The following SASH1 variants were observed in gnomAD, a reference collection of about 807,000 sequenced individuals.
The protein encoded by SASH1 is SAM and SH3 domain containing 1.
A neutral mutation model predicts 125.2 loss-of-function variants in SASH1; 44 were observed. The ratio of observed to expected loss-of-function variants is 0.35; its 90% confidence interval spans 0.28 to 0.45. The LOEUF is 0.45. Ranked by LOEUF, SASH1 falls within the 20% of genes least tolerant of loss-of-function variation. The probability of loss-of-function intolerance (pLI) is 1.00; values close to 1 mark genes in which losing one functional copy is unlikely to be tolerated. For synonymous variants in SASH1, 639 were observed against 649.1 expected (o/e 0.98, Z 0.24); for missense variants, 1,426 against 1,614.5 (o/e 0.88, Z 2.00).
Position 148,387,576 on chromosome 6 carries a change from CTTT to C in SASH1, c.157-2557_157-2555del, listed in dbSNP as rs1783449687. 1.3e-3 allele frequency among the ~76,000 whole-genome samples: 7 copies of C among 5,418 alleles called. No homozygotes were observed. In the South Asian group the frequency reaches 0.064, roughly 49 times the overall value. The allele number at this position is 5,418 out of a possible 152,430, so 3.6% of individuals were successfully genotyped here. A position where few individuals can be genotyped will look rare whatever the true frequency, so the allele number is the denominator to read the frequency against. ...TCCTTTCTTTCTTTTCTCTTTCTTT[CTTT>C]CTTTCTTTCTTTCTTTCTTTCTTTC... On this transcript the variant is annotated intron_variant, in intron 1 of 19. Transcript: ENST00000367467.
intron 1 of SASH1, among the ~76,000 whole-genome samples, chr6:148,306,114 C>T (rs564991131): frequency 6.6e-6 from 1 of 152,246 alleles, no homozygotes; most frequent in East Asian, 1.9e-4. Context: ...AAGGAGTTAC[C>T]TCTACTGATC....
chr6:148,450,230 A>T (rs899895748), intron 4 of SASH1, among the ~76,000 whole-genome samples: 12 of 152,102 alleles, frequency 7.9e-5, no homozygotes, highest in African/African-American at 2.9e-4. Flanking sequence ...GCCACATCTC[A>T]TTGAGGGGAT....
chr6:148,313,318 C>A lies in SASH1; in HGVS notation n.74+40941C>A, dbSNP rs145995384. On this transcript the variant is annotated intron_variant and non_coding_transcript_variant, in intron 1 of 3. Coordinates refer to the SASH1 transcript ENST00000367469. ...CATTAAGTGCAAATCCTCTTGGCTGCACTTTTCCTTCATGTTTATTTGTGA... is the reference window on the plus strand; with the variant it reads ...CATTAAGTGCAAATCCTCTTGGCTGAACTTTTCCTTCATGTTTATTTGTGA... 4.4e-4 allele frequency among the ~76,000 whole-genome samples: 67 copies of A among 152,282 alleles called. 1 individual carries two copies. The highest frequency in any genetic ancestry group is 1.5e-3 in the African/African-American group (62 of 41,542).
At chr6:148,537,284 G>T (rs1781905018) in intron 16 of SASH1, among the ~76,000 whole-genome samples, 1 of 152,166 alleles carries the variant, frequency 6.6e-6, no homozygotes, top group Non-Finnish European at 1.5e-5. Flanking sequence ...CTCGAAGCGT[G>T]GGAAAATGCC....
the SASH1 span, among the ~76,000 whole-genome samples, chr6:148,244,959 TGAGAGAGAGAGA>T: frequency 8.4e-6 from 1 of 119,154 alleles, no homozygotes; most frequent in Non-Finnish European, 1.8e-5. Flanking sequence ...TGTGTGTGTG[TGAGAGAGAGAGA>T]GAGAGAGAGA....
intron 1 of SASH1, among the ~76,000 whole-genome samples, chr6:148,380,425 C>A (rs1490488968): frequency 3.3e-5 from 5 of 152,206 alleles, no homozygotes; most frequent in African/African-American, 1.2e-4. Context: ...TTCACAGCCT[C>A]ACGTTTGTGT....
intron 2 of SASH1, among the ~76,000 whole-genome samples, chr6:148,397,564 T>C (rs529405810): frequency 4.8e-4 from 73 of 152,280 alleles, no homozygotes; most frequent in South Asian, 1.0e-3. Context: ...ATCAAATAAA[T>C]ATACCCACGT....
At chr6:148,513,935 T>A in intron 8 of SASH1, 1 of 990,584 alleles carries the variant, frequency 1.0e-6, no homozygotes, top group African/African-American at 1.7e-5. Flanking sequence ...CAGCAAGCCC[T>A]GATGGGCCAG....
At chr6:148,199,179 C>T in the SASH1 span, among the ~76,000 whole-genome samples, 1 of 152,082 alleles carries the variant, frequency 6.6e-6, no homozygotes, top group African/African-American at 2.4e-5. Flanking sequence ...GTCAGGAGTT[C>T]GAGACCAGCT....
intron 1 of SASH1, among the ~76,000 whole-genome samples, chr6:148,319,158 G>A (rs988969896): frequency 4.2e-5 from 6 of 143,084 alleles, no homozygotes; most frequent in African/African-American, 1.6e-4. Flanking sequence ...TCAGCCTCCC[G>A]AGTAGCTGGG....
intron 4 of SASH1, among the ~76,000 whole-genome samples, chr6:148,467,694 T>TG (rs1554261365): frequency 6.6e-6 from 1 of 152,140 alleles, no homozygotes; most frequent in Admixed American, 6.5e-5. Context: ...CCCAGCACTT[T>TG]GGGGGGCCGA....
chr6:148,533,684 C>T lies in SASH1; in HGVS notation c.1735-87C>T. 7.8e-7 allele frequency: 1 copy of T among 1,283,358 alleles called. No homozygotes were observed. The allele number at this position is 1,283,358 out of a possible 1,614,324, so 79.5% of individuals were successfully genotyped here. A position where few individuals can be genotyped will look rare whatever the true frequency, so the allele number is the denominator to read the frequency against. On this transcript the variant is annotated intron_variant, in intron 14 of 19. Coordinates refer to ENST00000367467, the MANE Select transcript of SASH1 (RefSeq NM_015278.5). The surrounding 1 kb of genome is among the most constrained non-coding windows in gnomAD (Gnocchi z 6.2). ...TCTGGCCTTTGTGGCATCTTCACTT[C>T]TGCATGACCTGTGTATCTGACAGAT...
At chr6:148,250,868 G>A in the SASH1 span, among the ~76,000 whole-genome samples, 1 of 152,124 alleles carries the variant, frequency 6.6e-6, no homozygotes, top group African/African-American at 2.4e-5. Flanking sequence ...ATTTTAAAAA[G>A]AAAGAAAAGC....
At chr6:148,338,192 G>T (rs930652643), upstream of SASH1, among the ~76,000 whole-genome samples, 6 of 152,144 alleles carry the variant, frequency 3.9e-5, no homozygotes, top group Non-Finnish European at 8.8e-5. Context: ...GGAGGCCAAG[G>T]TGGGCGGATC....
At chr6:148,200,676 G>A in the SASH1 span, among the ~76,000 whole-genome samples, 9 of 152,144 alleles carry the variant, frequency 5.9e-5, no homozygotes, top group Non-Finnish European at 7.3e-5. Flanking sequence ...AACAGACCTC[G>A]CACAGGCTGG....
intron 4 of SASH1, among the ~76,000 whole-genome samples, chr6:148,449,961 C>T (rs931077978): frequency 3.3e-5 from 5 of 152,122 alleles, no homozygotes; most frequent in Non-Finnish European, 7.4e-5. Context: ...CTACCACAAG[C>T]ATGGCAGCAA....
At chr6:148,308,990 A>G (rs1780221514) in intron 1 of SASH1, among the ~76,000 whole-genome samples, 1 of 149,944 alleles carries the variant, frequency 6.7e-6, no homozygotes, top group Non-Finnish European at 1.5e-5. Context: ...AGGCTGAGGC[A>G]GGAGACTCGC....
At chr6:148,458,429 G>C (rs1182142469) in intron 4 of SASH1, among the ~76,000 whole-genome samples, 1 of 152,148 alleles carries the variant, frequency 6.6e-6, no homozygotes, top group African/African-American at 2.4e-5. Flanking sequence ...TCGGGACTCT[G>C]TAAGTAAGAA....
intron 2 of SASH1, among the ~76,000 whole-genome samples, chr6:148,395,646 C>T (rs1219066326): frequency 6.6e-6 from 1 of 152,164 alleles, no homozygotes; most frequent in East Asian, 1.9e-4. Context: ...TGGACCACAG[C>T]CTTTCCCTCT....
Sources: allele counts gnomAD v4.1 joint callset (sites outside exome capture counted in the v4.1 genomes callset), GRCh38; gene constraint gnomAD v4.1.1; non-coding constraint Gnocchi (gnomAD v3.1); transcripts MANE v1.5; gene names NCBI Gene and HGNC (gene_info 2026-07-23, HGNC 2026-07-21).